Variants in HAT1 observed in about 807,000 individuals in gnomAD.
HAT1 encodes the protein histone acetyltransferase type B catalytic subunit.
In HAT1, 20 loss-of-function variants were observed where a neutral mutation model predicts 56.6. The ratio of observed to expected loss-of-function variants is 0.35; its 90% CI spans 0.25 to 0.51. HAT1 has a LOEUF of 0.51. Among genes scored for constraint, HAT1 ranks in the 20% least tolerant of loss-of-function variants. The pLI is 0.95. For missense variants in HAT1, 408 were observed against 504.3 expected (o/e 0.81, Z 1.83); for synonymous variants, 146 against 165.5 (o/e 0.88, Z 0.91).
At chr2:171,929,057 T>C (rs1181762997) in intron 2 of HAT1, among the ~76,000 whole-genome samples, 6 of 152,238 alleles carry the variant, frequency 3.9e-5, no homozygotes, top group Admixed American at 6.5e-5. Context: ...ATCAACAGTG[T>C]ATTAGAATTT....
chr2:171,962,471 T>C (rs1168607525), intron 4 of HAT1, among the ~76,000 whole-genome samples: 2 of 152,328 alleles, frequency 1.3e-5, no homozygotes, highest in East Asian at 1.9e-4. Context: ...CTTGGCTCAC[T>C]GCAACCTCCG....
intron 4 of HAT1, among the ~76,000 whole-genome samples, chr2:171,959,804 C>T (rs1687532856): frequency 6.6e-6 from 1 of 152,116 alleles, no homozygotes; most frequent in African/African-American, 2.4e-5. Context: ...ATAGTAAATA[C>T]ACAAATTAAA....
rs536130947 is a variant in HAT1, at chr2:171,958,355, G to T, written c.309+5354G>T. Among the ~76,000 whole-genome samples, 16 of 149,764 alleles carry T rather than the reference G, an allele frequency of 1.1e-4. No homozygotes were observed. In the East Asian group the frequency reaches 2.5e-3, roughly 24 times the overall value. ...CCGTTATTTTTTTTTTTAATTTTAAGTTCTGGGATACATGTGCAGAACTTG... is the reference window on the plus strand; with the variant it reads ...CCGTTATTTTTTTTTTTAATTTTAATTTCTGGGATACATGTGCAGAACTTG... On this transcript the variant is annotated intron_variant, in intron 4 of 10. Coordinates refer to ENST00000264108, the MANE Select transcript of HAT1 (RefSeq NM_003642.4).
intron 4 of HAT1, among the ~76,000 whole-genome samples, chr2:171,954,886 A>C (rs927662154): frequency 2.6e-5 from 4 of 152,202 alleles, no homozygotes; most frequent in Admixed American, 6.5e-5. Context: ...TCCTAATGAG[A>C]GGGAGACAGA....
At position 171,983,482 on chromosome 2, in the gene HAT1, A is replaced by G. The variant is rs1189625004; in HGVS notation, c.*130A>G. ...AAAAGTTATCTATCTTTAGTTGAAT[A>G]TTTTCTTTTGGAGAGATTGTATATT... On this transcript the variant is annotated 3_prime_UTR_variant, in exon 11 of 11. Coordinates refer to ENST00000264108, the MANE Select transcript of HAT1 (RefSeq NM_003642.4). 2.1e-6 allele frequency: 1 copy of G among 477,024 alleles called. No homozygotes were observed. Among genetic ancestry groups the G allele is most frequent in the East Asian group, 3.2e-5 (1 of 30,780 alleles). 29.5% of individuals were successfully genotyped at this position (477,024 alleles called of 1,614,324 possible). A position where few individuals can be genotyped will look rare whatever the true frequency, so the allele number is the denominator to read the frequency against.
chr2:171,983,677 T>C lies in HAT1; in HGVS notation c.*325T>C. On this transcript the variant is annotated 3_prime_UTR_variant, in exon 11 of 11. Transcript: ENST00000264108. ...AAATACTTACAATAAACCTCATTCT[T>C]AAATACTTATCATTCCTTCCACACT... The C allele has an allele frequency of 5.6e-6, 1 of 177,974 alleles. No homozygotes were observed. Among genetic ancestry groups the C allele is most frequent in the Non-Finnish European group, 1.2e-5 (1 of 85,242 alleles). 11.0% of individuals were successfully genotyped at this position (177,974 alleles called of 1,614,324 possible). A position where few individuals can be genotyped will look rare whatever the true frequency, so the allele number is the denominator to read the frequency against.
chr2:171,966,073 T>C, intron 6 of HAT1, 165 bp downstream of exon 6: 1 of 640,806 alleles, frequency 1.6e-6, no homozygotes, highest in Non-Finnish European at 2.7e-6. Flanking sequence ...TGGGAGACCT[T>C]GAGAATAGAG....
At chr2:171,960,068 C>A (rs1364763658) in intron 4 of HAT1, among the ~76,000 whole-genome samples, 1 of 152,080 alleles carries the variant, frequency 6.6e-6, no homozygotes, top group Non-Finnish European at 1.5e-5. Flanking sequence ...TAGGTGTTTG[C>A]AAGAAATAAG....
chr2:171,960,475 C>T (rs1182515531), intron 4 of HAT1, among the ~76,000 whole-genome samples: 1 of 152,112 alleles, frequency 6.6e-6, no homozygotes, highest in African/African-American at 2.4e-5. Flanking sequence ...GGTCAGCAGC[C>T]ATAACATCTG....
At chr2:171,961,863 T>C (rs1687582366) in intron 4 of HAT1, among the ~76,000 whole-genome samples, 1 of 151,066 alleles carries the variant, frequency 6.6e-6, no homozygotes, top group Non-Finnish European at 1.5e-5. Flanking sequence ...ATTGAGAACA[T>C]TAAGTAGATA....
chr2:171,966,832 C>A lies in HAT1; in HGVS notation c.717-11C>A, dbSNP rs778259205. 4.6e-6 allele frequency: 6 copies of A among 1,309,356 alleles called. No individual in the cohort carries two copies. Among genetic ancestry groups the A allele is most frequent in the Non-Finnish European group, 6.6e-6 (6 of 911,078 alleles). The allele number at this position is 1,309,356 out of a possible 1,614,324, so 81.1% of individuals were successfully genotyped here. A position where few individuals can be genotyped will look rare whatever the true frequency, so the allele number is the denominator to read the frequency against. Reference sequence around the variant, plus strand: ...TGATATTTTAATTTTAAAATAATTTCTTTACTGTAGTCAGATGCTGATTTT... The same window carrying A: ...TGATATTTTAATTTTAAAATAATTTATTTACTGTAGTCAGATGCTGATTTT... On this transcript the variant is annotated splice_polypyrimidine_tract_variant and intron_variant, in intron 7 of 10. Transcript: ENST00000264108.
At chr2:171,954,168 T>C (rs1343032543) in intron 4 of HAT1, among the ~76,000 whole-genome samples, 2 of 152,170 alleles carry the variant, frequency 1.3e-5, no homozygotes, top group Non-Finnish European at 2.9e-5. Context: ...TTGCCAACTT[T>C]TGTTTTTTAT....
At chr2:171,922,869 T>G in intron 1 of HAT1, 1 of 257,440 alleles carries the variant, frequency 3.9e-6, no homozygotes. Flanking sequence ...CTTGTACATC[T>G]GGTCCTGTTC....
At chr2:171,940,585 G>A (rs922293160) in intron 2 of HAT1, among the ~76,000 whole-genome samples, 2 of 152,190 alleles carry the variant, frequency 1.3e-5, no homozygotes, top group Non-Finnish European at 2.9e-5. Context: ...CAGTGCAGAC[G>A]CATTTGATGA....
At chr2:171,974,169 G>A (rs1687890297) in intron 8 of HAT1, among the ~76,000 whole-genome samples, 1 of 56,074 alleles carries the variant, frequency 1.8e-5, no homozygotes, top group South Asian at 7.2e-4. Flanking sequence ...GTGAGACCCT[G>A]TCTCAAAAAA....
At chr2:171,978,623 G>T (rs1402704609) in intron 9 of HAT1, among the ~76,000 whole-genome samples, 1 of 152,006 alleles carries the variant, frequency 6.6e-6, no homozygotes, top group Non-Finnish European at 1.5e-5. Flanking sequence ...TGACCCCTTG[G>T]TCTTCTTGTG....
At chr2:171,969,015 C>A (rs1210176087) in intron 8 of HAT1, among the ~76,000 whole-genome samples, 1 of 152,106 alleles carries the variant, frequency 6.6e-6, no homozygotes, top group Admixed American at 6.5e-5. Flanking sequence ...ATAATTGCCA[C>A]CCATTTTCAT....
chr2:171,958,095 G>C (rs1687489409), intron 4 of HAT1, among the ~76,000 whole-genome samples: 1 of 152,084 alleles, frequency 6.6e-6, no homozygotes, highest in African/African-American at 2.4e-5. Flanking sequence ...CTCATTACTG[G>C]AACTGACTTA....
chr2:171,972,257 T>C (rs1275382689), intron 8 of HAT1, among the ~76,000 whole-genome samples: 1 of 150,646 alleles, frequency 6.6e-6, no homozygotes, highest in Non-Finnish European at 1.5e-5. Context: ...TTTTTTTTTG[T>C]TTTTTGGTGA....
Sources: allele counts gnomAD v4.1 joint callset (sites outside exome capture counted in the v4.1 genomes callset), GRCh38; gene constraint gnomAD v4.1.1; transcripts MANE v1.5; gene names NCBI Gene and HGNC (gene_info 2026-07-23, HGNC 2026-07-21).